PHACTR4: variants seen among roughly 807,000 people sequenced by gnomAD.
PHACTR4 encodes the protein phosphatase and actin regulator 4.
In PHACTR4, 51 loss-of-function variants were observed where a neutral mutation model predicts 72.7. The ratio of observed to expected loss-of-function variants is 0.70; its 90% confidence interval spans 0.56 to 0.89. PHACTR4 has a LOEUF of 0.89. Among genes scored for constraint, PHACTR4 ranks in the 40% least tolerant of loss-of-function variants. The probability of loss-of-function intolerance (pLI) is 0.00; values close to 1 mark genes in which losing one functional copy is unlikely to be tolerated. For synonymous variants in PHACTR4, 255 were observed against 302.5 expected (o/e 0.84, Z 1.63); for missense variants, 731 against 861.8 (o/e 0.85, Z 1.90).
At chr1:28,450,390 T>G (rs566124146) in intron 2 of PHACTR4, among the ~76,000 whole-genome samples, 124 of 151,948 alleles carry the variant, frequency 8.2e-4, no homozygotes, top group Non-Finnish European at 1.6e-3. Flanking sequence ...CAAATGTGAC[T>G]GCATGCCTAT....
At chr1:28,414,781 C>T (rs557684879) in intron 2 of PHACTR4, among the ~76,000 whole-genome samples, 64 of 152,216 alleles carry the variant, frequency 4.2e-4, no homozygotes, top group African/African-American at 1.2e-3. Context: ...TCCAAAATTC[C>T]GCCAGAGTTA....
chr1:28,392,761 C>A (rs1240377129), intron 1 of PHACTR4, among the ~76,000 whole-genome samples: 1 of 151,956 alleles, frequency 6.6e-6, no homozygotes, highest in East Asian at 1.9e-4. Context: ...AAAAAAAAAT[C>A]TTATGCCAAG....
intron 1 of PHACTR4, among the ~76,000 whole-genome samples, chr1:28,406,119 T>A (rs1654305980): frequency 6.6e-6 from 1 of 152,170 alleles, no homozygotes; most frequent in Non-Finnish European, 1.5e-5. Context: ...ATTTGACTGA[T>A]AAGATTGTAT....
intron 4 of PHACTR4, among the ~76,000 whole-genome samples, chr1:28,464,785 C>T (rs1350304048): frequency 6.6e-6 from 1 of 152,012 alleles, no homozygotes; most frequent in African/African-American, 2.4e-5. Context: ...CTTACTGCAA[C>T]CTCTGCCTCC....
intron 1 of PHACTR4, among the ~76,000 whole-genome samples, chr1:28,376,312 CAAAA>C (rs548365936): frequency 3.1e-5 from 4 of 129,944 alleles, no homozygotes; most frequent in African/African-American, 1.1e-4. Flanking sequence ...GACCTTGTCT[CAAAA>C]AAAAAAAAAA....
At chr1:28,407,527 G>T in intron 2 of PHACTR4, 64 bp downstream of exon 2, 1 of 1,448,252 alleles carries the variant, frequency 6.9e-7, no homozygotes, top group Non-Finnish European at 9.6e-7. Flanking sequence ...CTCCATTAAA[G>T]CTTTGAGAGT....
rs1358094437 is a variant in PHACTR4 at position 28,496,644 on chromosome 1, C to CAGA, written c.*97_*99dup. The CAGA allele has an allele frequency of 7.2e-7, 1 of 1,398,154 alleles. No homozygotes were observed. The highest frequency in any genetic ancestry group is 1.7e-5 in the Admixed American group (1 of 59,484). The allele number at this position is 1,398,154 out of a possible 1,614,324, so 86.6% of individuals were successfully genotyped here. The stretch of plus-strand genomic sequence containing the variant: ...GAACTTTAGCACTTCCCAGCACAGC[C>CAGA]AGAATTGCATCCTCTGGGATCTTCT... On this transcript the variant is annotated 3_prime_UTR_variant, in exon 14 of 14. Coordinates refer to ENST00000373839, the MANE Select transcript of PHACTR4 (RefSeq NM_001048183.3).
rs1659755446 is a variant in PHACTR4, at chr1:28,474,007, C to A, written c.1277C>A (p.Thr426Asn). ...PLHIRIQQAL[T>N]SPLPMTPILE... is the part of the protein sequence containing the mutation. The stretch of plus-strand genomic sequence containing the variant: ...CATATTCGAATCCAGCAGGCCCTCA[C>A]CAGCCCACTTCCCATGACTCCTATT... Residue 426 changes from threonine to asparagine, a missense_variant, in exon 7 of 14, where the codon ACC becomes AAC. Physicochemically the swap from Thr to Asn is moderately conservative, Grantham distance 65. Transcript: ENST00000373839. 6.2e-7 allele frequency: 1 copy of A among 1,614,190 alleles called. No homozygotes were observed.
intron 2 of PHACTR4, among the ~76,000 whole-genome samples, chr1:28,456,902 AATAG>A (rs1400366956): frequency 8.0e-6 from 1 of 124,256 alleles, no homozygotes; most frequent in Non-Finnish European, 1.7e-5. Context: ...TAACTAGATA[AATAG>A]ATAGAGAGAC....
chr1:28,440,083 T>C (rs1376926208), intron 2 of PHACTR4, among the ~76,000 whole-genome samples: 1 of 151,766 alleles, frequency 6.6e-6, no homozygotes, highest in East Asian at 2.0e-4. Flanking sequence ...AGGCGGATCA[T>C]GAGGTCAGGC....
At position 28,473,830 on chromosome 1, in the gene PHACTR4, A is replaced by G; in HGVS notation, c.1100A>G (p.Gln367Arg). ...RTPPFPAKTF[Q>R]VVPEIEFPPS... ...CCTCCATTCCCTGCTAAGACTTTTC[A>G]AGTTGTGCCAGAAATTGAGTTTCCA... is the stretch of plus-strand genomic sequence containing the variant. The change falls in exon 7 of 14, where the codon CAA (glutamine) becomes CGA (arginine). Residue 367 changes from glutamine (Q) to arginine (R), a missense_variant. By Grantham distance (43) the Gln-to-Arg change is conservative (BLOSUM62 1). Around this residue, in one of 2 missense-constraint regions of PHACTR4, gnomAD observed 621 missense variants for 676.6 expected, o/e 0.92. Coordinates refer to ENST00000373839, the MANE Select transcript of PHACTR4 (RefSeq NM_001048183.3). The G allele has an allele frequency of 6.2e-7, 1 of 1,613,902 alleles. No homozygotes were observed. The highest frequency in any genetic ancestry group is 8.5e-7 in the Non-Finnish European group (1 of 1,179,964).
chr1:28,487,899 C>A (rs1025193517), intron 9 of PHACTR4, among the ~76,000 whole-genome samples: 2 of 151,598 alleles, frequency 1.3e-5, no homozygotes, highest in Non-Finnish European at 2.9e-5. Context: ...CAACATCCGG[C>A]TAATTTTTGT....
In PHACTR4 at chr1:28,444,214, CTTTTTTTTTTTTTTT is replaced by C. The variant is rs746642128; in HGVS notation, c.17-14855_17-14841del. 1.5e-3 allele frequency among the ~76,000 whole-genome samples: 62 copies of C among 41,110 alleles called. 2 individuals carry two copies. Among genetic ancestry groups the C allele is most frequent in the Non-Finnish European group, 2.5e-3 (50 of 20,342 alleles). The allele number at this position is 41,110 out of a possible 152,430, so 27.0% of individuals were successfully genotyped here. A position where few individuals can be genotyped will look rare whatever the true frequency, so the allele number is the denominator to read the frequency against. ...TGAGCATTTAAAAAAATATATTTGG[CTTTTTTTTTTTTTTT>C]TTTTTTTTTTTTTTTGAGACAGAGT... On this transcript the variant is annotated intron_variant, in intron 2 of 13. Transcript: ENST00000373839.
At chr1:28,411,894 A>T (rs915611361) in intron 2 of PHACTR4, among the ~76,000 whole-genome samples, 6 of 152,162 alleles carry the variant, frequency 3.9e-5, no homozygotes, top group African/African-American at 1.4e-4. Context: ...AGAAAGAACG[A>T]ATGAACAAAA....
intron 2 of PHACTR4, among the ~76,000 whole-genome samples, chr1:28,437,787 AT>A (rs1314479272): frequency 6.6e-6 from 1 of 152,172 alleles, no homozygotes; most frequent in Non-Finnish European, 1.5e-5. Context: ...GGTCATTAGA[AT>A]TTCCATATAT....
At chr1:28,384,641 T>G (rs78245197) in intron 1 of PHACTR4, among the ~76,000 whole-genome samples, 13,266 of 152,206 alleles carry the variant, frequency 0.087, 1,239 homozygotes, top group African/African-American at 0.24. Flanking sequence ...ATGCTTGTAA[T>G]CCCAGCACTT....
At chr1:28,461,791 A>G (rs1302962494) in intron 4 of PHACTR4, among the ~76,000 whole-genome samples, 1 of 151,548 alleles carries the variant, frequency 6.6e-6, no homozygotes, top group Admixed American at 6.6e-5. Flanking sequence ...CAGCCTCCCA[A>G]AGTGCTGGGA....
chr1:28,461,433 T>A (rs958784664), intron 4 of PHACTR4, among the ~76,000 whole-genome samples: 6 of 152,086 alleles, frequency 3.9e-5, no homozygotes, highest in African/African-American at 1.2e-4. Context: ...AGAGCAAGAC[T>A]CCTTCTCAAA....
Position 28,466,455 on chromosome 1 carries a change from T to TC in PHACTR4, c.513dup (p.Lys172GlnfsTer9). On this transcript the variant is annotated frameshift_variant, in exon 6 of 14. Coordinates refer to ENST00000373839, the MANE Select transcript of PHACTR4 (RefSeq NM_001048183.3). LOFTEE classifies it high-confidence loss of function. ...ATGTACCCAAACCACCTTTACTTCCTCCCAAAAGACCCTTGTCCTCTTCTC... is the reference window on the plus strand; with the variant it reads ...ATGTACCCAAACCACCTTTACTTCCTCCCCAAAAGACCCTTGTCCTCTTCTC... 1 of 1,614,030 alleles carries TC rather than the reference T, an allele frequency of 6.2e-7. No homozygotes were observed.
Sources: gnomAD v4.1 joint callset for allele counts (sites outside exome capture counted in the v4.1 genomes callset) on GRCh38, gnomAD v4.1.1 for gene constraint, gnomAD v4.1.1 regional missense constraint, MANE v1.5 for transcripts, NCBI Gene and HGNC (gene_info 2026-07-23, HGNC 2026-07-21) for gene names.